GPC5: variants seen among roughly 807,000 people sequenced by gnomAD.
GPC5 encodes glypican 5, also known as glypican-5.
Under a neutral mutation model 53.9 loss-of-function variants are expected in GPC5, and 47 were observed. The observed-to-expected ratio is 0.87, with a 90% CI of 0.69 to 1.11. GPC5 has a LOEUF of 1.11. Ranked by LOEUF, GPC5 falls within the 50% of genes most tolerant of loss-of-function variation. The pLI is 0.00. For synonymous variants in GPC5, 286 were observed against 263.3 expected, an observed-to-expected ratio of 1.09 and a Z score of -0.84; for missense variants, 748 against 713.1, an observed-to-expected ratio of 1.05 and a Z score of -0.56.
intron 3 of GPC5, among the ~76,000 whole-genome samples, chr13:91,718,121 T>C (rs2036382245): frequency 6.6e-6 from 1 of 152,022 alleles, no homozygotes; most frequent in African/African-American, 2.4e-5. Context: ...GTTGTTGTTG[T>C]TGTTGTTGAG....
intron 7 of GPC5, among the ~76,000 whole-genome samples, chr13:92,436,465 A>G (rs1441539227): frequency 6.6e-6 from 1 of 152,132 alleles, no homozygotes; most frequent in African/African-American, 2.4e-5. Context: ...ATTTGCTTAC[A>G]ATATGCAAAA....
intron 1 of GPC5, among the ~76,000 whole-genome samples, chr13:91,444,862 A>G (rs200872103): frequency 6.6e-6 from 1 of 152,128 alleles, no homozygotes; most frequent in East Asian, 1.9e-4. Flanking sequence ...CTGCTGTAGG[A>G]GCCCCGCTTT....
At chr13:92,854,362 TATTA>T (rs1208173269) in intron 7 of GPC5, among the ~76,000 whole-genome samples, 10 of 148,684 alleles carry the variant, frequency 6.7e-5, no homozygotes, top group African/African-American at 2.4e-4. Flanking sequence ...AATATATATA[TATTA>T]GTCAATAGAT....
chr13:92,217,192 A>G (rs1040000798), intron 7 of GPC5, among the ~76,000 whole-genome samples: 2 of 152,130 alleles, frequency 1.3e-5, no homozygotes, highest in African/African-American at 4.8e-5. Flanking sequence ...TCCCTATACT[A>G]GTTTACGCCA....
chr13:91,764,895 C>A (rs1308353482), intron 5 of GPC5, among the ~76,000 whole-genome samples: 1 of 152,180 alleles, frequency 6.6e-6, no homozygotes, highest in Non-Finnish European at 1.5e-5. Flanking sequence ...TCTAGCCTGG[C>A]AGGTATTAAC....
intron 7 of GPC5, among the ~76,000 whole-genome samples, chr13:92,756,439 C>T (rs1443054884): frequency 1.3e-5 from 2 of 151,906 alleles, no homozygotes; most frequent in South Asian, 2.1e-4. Flanking sequence ...GATGCCCTCT[C>T]TCACCACTCC....
intron 7 of GPC5, among the ~76,000 whole-genome samples, chr13:92,183,961 T>C (rs2042165382): frequency 6.6e-6 from 1 of 152,072 alleles, no homozygotes; most frequent in Admixed American, 6.6e-5. Flanking sequence ...TACTATTAAT[T>C]TAAATTATAT....
intron 3 of GPC5, among the ~76,000 whole-genome samples, chr13:91,722,011 C>T (rs1341498591): frequency 1.3e-5 from 2 of 152,144 alleles, no homozygotes; most frequent in African/African-American, 4.8e-5. Context: ...CCATCTACTA[C>T]AATAATGTCC....
At position 91,695,025 on chromosome 13, in the gene GPC5, TC is replaced by T. The variant is rs1387030627; in HGVS notation, c.1020+1146del. 1.3e-5 allele frequency among the ~76,000 whole-genome samples: 2 copies of T among 152,214 alleles called. 1 individual carries two copies. Among genetic ancestry groups the T allele is most frequent in the Non-Finnish European group, 2.9e-5 (2 of 68,040 alleles). On this transcript the variant is annotated intron_variant, in intron 3 of 7. Transcript: ENST00000377067. The stretch of plus-strand genomic sequence containing the variant: ...TTCTCTTCCTAACCTTCAGGGACTT[TC>T]CAGGTCCTGCGTGAGCCTTTATGGT...
intron 7 of GPC5, among the ~76,000 whole-genome samples, chr13:92,596,435 T>C (rs956931531): frequency 6.6e-6 from 1 of 152,012 alleles, no homozygotes; most frequent in African/African-American, 2.4e-5. Flanking sequence ...ACAAGGTTTA[T>C]ATATATACAT....
At chr13:91,815,906 C>T (rs2138817753) in intron 5 of GPC5, among the ~76,000 whole-genome samples, 1 of 152,272 alleles carries the variant, frequency 6.6e-6, no homozygotes, top group East Asian at 1.9e-4. Flanking sequence ...CCACTCCTCC[C>T]TCCCACTTCC....
chr13:92,078,827 A>C (rs758864676), intron 6 of GPC5, among the ~76,000 whole-genome samples: 2 of 152,032 alleles, frequency 1.3e-5, no homozygotes, highest in Non-Finnish European at 2.9e-5. Flanking sequence ...AAACTACACT[A>C]TCTCCGTCCC....
At chr13:92,082,308 G>C (rs775150821) in intron 6 of GPC5, among the ~76,000 whole-genome samples, 2 of 152,052 alleles carry the variant, frequency 1.3e-5, no homozygotes, top group Non-Finnish European at 2.9e-5. Flanking sequence ...AAAGAAGTAG[G>C]GCACAACCCC....
At chr13:92,154,618 C>T (rs1346601069) in intron 7 of GPC5, among the ~76,000 whole-genome samples, 1 of 152,154 alleles carries the variant, frequency 6.6e-6, no homozygotes, top group Non-Finnish European at 1.5e-5. Context: ...TACTGTCTCA[C>T]ATTTTGCCAG....
At chr13:91,666,512 C>A (rs897505564) in intron 2 of GPC5, among the ~76,000 whole-genome samples, 2 of 152,034 alleles carry the variant, frequency 1.3e-5, no homozygotes, top group Non-Finnish European at 2.9e-5. Flanking sequence ...TTGATTAAAA[C>A]AAAACAATTT....
intron 3 of GPC5, among the ~76,000 whole-genome samples, chr13:91,708,525 A>C (rs1178760267): frequency 6.6e-6 from 1 of 152,190 alleles, no homozygotes; most frequent in Non-Finnish European, 1.5e-5. Context: ...TAAGAGGTGC[A>C]GGGGACTGGG....
intron 5 of GPC5, among the ~76,000 whole-genome samples, chr13:91,808,405 A>G (rs1428393719): frequency 6.6e-6 from 1 of 152,086 alleles, no homozygotes; most frequent in African/African-American, 2.4e-5. Context: ...TTGAGCACCT[A>G]TCTGTCTGCA....
chr13:91,756,015 G>A (rs1275733558), intron 4 of GPC5, among the ~76,000 whole-genome samples: 1 of 146,094 alleles, frequency 6.8e-6, no homozygotes, highest in East Asian at 2.0e-4. Flanking sequence ...AGTTACACAA[G>A]ATTCATACCC....
chr13:92,848,192 T>C (rs546416024), intron 7 of GPC5, among the ~76,000 whole-genome samples: 1 of 152,316 alleles, frequency 6.6e-6, no homozygotes, highest in South Asian at 2.1e-4. Flanking sequence ...TATTAAAAAG[T>C]ATTTTTTACA....
Sources: gnomAD v4.1 joint callset for allele counts (sites outside exome capture counted in the v4.1 genomes callset) on GRCh38, gnomAD v4.1.1 for gene constraint, MANE v1.5 for transcripts, NCBI Gene and HGNC (gene_info 2026-07-23, HGNC 2026-07-21) for gene names.